SPAG16: variants seen among roughly 807,000 people sequenced by gnomAD.
SPAG16 encodes sperm-associated antigen 16 protein.
A neutral mutation model predicts 80.4 loss-of-function variants in SPAG16; 86 were observed. That is an observed-to-expected ratio of 1.07 (90% CI 0.90 to 1.28). The LOEUF (loss-of-function observed/expected upper bound fraction) is 1.28. Among genes scored for constraint, SPAG16 ranks in the 50% most tolerant of loss-of-function variants. SPAG16 has a pLI of 0.00. For missense variants in SPAG16, 870 were observed against 765.3 expected (o/e 1.14, Z -1.61); for synonymous variants, 294 against 265.9 (o/e 1.11, Z -1.03).
intron 12 of SPAG16, among the ~76,000 whole-genome samples, chr2:213,943,732 C>A (rs555915964): frequency 6.6e-6 from 1 of 152,144 alleles, no homozygotes; most frequent in Admixed American, 6.5e-5. Flanking sequence ...AAAAAGGAAC[C>A]AAAACTTAGA....
At position 213,294,921 on chromosome 2, in the gene SPAG16, G is replaced by T. The variant is rs117010468; in HGVS notation, c.137-1143G>T. 3.3e-4 allele frequency among the ~76,000 whole-genome samples: 50 copies of T among 152,240 alleles called. No individual in the cohort carries two copies. The East Asian group carries it at 8.9e-3, about 27-fold the overall frequency. On this transcript the variant is annotated intron_variant, in intron 1 of 15. Transcript: ENST00000331683. Reference sequence around the variant, plus strand: ...TCTGATTCTTGATTTGTAAAATAGAGTTATAGTTCCAGCCTCATAGGCAGG... The same window carrying T: ...TCTGATTCTTGATTTGTAAAATAGATTTATAGTTCCAGCCTCATAGGCAGG...
At chr2:213,385,506 A>G (rs2067380638) in intron 9 of SPAG16, among the ~76,000 whole-genome samples, 1 of 152,082 alleles carries the variant, frequency 6.6e-6, no homozygotes, top group African/African-American at 2.4e-5. Flanking sequence ...AGTTCCTTGG[A>G]AGTAGTTCTT....
intron 11 of SPAG16, among the ~76,000 whole-genome samples, chr2:213,873,058 A>G (rs6733511): frequency 0.59 from 90,052 of 151,612 alleles, 28,602 homozygotes; most frequent in South Asian, 0.85. Context: ...TGGTATTAGA[A>G]CAATACTGGC....
chr2:213,423,461 TG>T (rs1482479327), intron 9 of SPAG16, among the ~76,000 whole-genome samples: 1 of 152,196 alleles, frequency 6.6e-6, no homozygotes, highest in Non-Finnish European at 1.5e-5. Context: ...TGTACTCAGA[TG>T]CTAGGTTGGT....
chr2:213,351,373 T>C (rs2065318099), intron 7 of SPAG16, among the ~76,000 whole-genome samples: 1 of 152,176 alleles, frequency 6.6e-6, no homozygotes, highest in Admixed American at 6.6e-5. Flanking sequence ...TTAAGATTGC[T>C]GTGAAACTTA....
chr2:214,223,244 G>A (rs948684682), intron 15 of SPAG16, among the ~76,000 whole-genome samples: 2 of 151,990 alleles, frequency 1.3e-5, no homozygotes, highest in Non-Finnish European at 2.9e-5. Context: ...AAGCATATAG[G>A]TCATTAGCAA....
chr2:213,838,072 G>A (rs545931312), intron 10 of SPAG16, among the ~76,000 whole-genome samples: 3 of 151,904 alleles, frequency 2.0e-5, no homozygotes, highest in East Asian at 3.9e-4. Flanking sequence ...TGTAAGATGT[G>A]GTACTGCATT....
chr2:213,412,884 A>C, intron 9 of SPAG16, among the ~76,000 whole-genome samples: 1 of 152,206 alleles, frequency 6.6e-6, no homozygotes, highest in Non-Finnish European at 1.5e-5. Flanking sequence ...TAAAAATATG[A>C]ATTGTCTCAT....
intron 12 of SPAG16, among the ~76,000 whole-genome samples, chr2:213,991,489 A>G (rs544743309): frequency 6.6e-6 from 1 of 152,250 alleles, no homozygotes; most frequent in East Asian, 1.9e-4. Context: ...ATAGTAAAAT[A>G]TAAATCCACT....
chr2:213,553,797 C>A (rs1363599791), intron 10 of SPAG16, among the ~76,000 whole-genome samples: 4 of 152,170 alleles, frequency 2.6e-5, no homozygotes, highest in Non-Finnish European at 5.9e-5. Context: ...ATCCTCTAGA[C>A]ACAAGCTCAG....
intron 9 of SPAG16, among the ~76,000 whole-genome samples, chr2:213,401,452 G>A (rs935693772): frequency 3.9e-5 from 6 of 151,940 alleles, no homozygotes; most frequent in Non-Finnish European, 8.8e-5. Flanking sequence ...TGTTTCTTTG[G>A]TATAAAACTC....
chr2:214,377,792 A>G (rs1700217872), intron 15 of SPAG16, among the ~76,000 whole-genome samples: 1 of 152,208 alleles, frequency 6.6e-6, no homozygotes, highest in South Asian at 2.1e-4. Flanking sequence ...CTCTCTTAGG[A>G]ACGTAGCCAT....
chr2:213,392,659 A>T (rs2067815843), intron 9 of SPAG16, among the ~76,000 whole-genome samples: 1 of 152,172 alleles, frequency 6.6e-6, no homozygotes, highest in East Asian at 1.9e-4. Context: ...AGCCTGGCCA[A>T]CATGATGAAA....
chr2:213,667,472 C>T (rs2063650831), intron 10 of SPAG16, among the ~76,000 whole-genome samples: 1 of 152,166 alleles, frequency 6.6e-6, no homozygotes, highest in Non-Finnish European at 1.5e-5. Flanking sequence ...ATCTCTAAAA[C>T]AGTCCCAATA....
intron 10 of SPAG16, among the ~76,000 whole-genome samples, chr2:213,564,368 G>T (rs1448737897): frequency 1.3e-5 from 2 of 151,962 alleles, no homozygotes; most frequent in African/African-American, 2.4e-5. Context: ...GGTGGCAGGT[G>T]CCTGTAATCC....
At chr2:213,947,869 T>C (rs1447436101) in intron 12 of SPAG16, among the ~76,000 whole-genome samples, 5 of 152,106 alleles carry the variant, frequency 3.3e-5, no homozygotes, top group Non-Finnish European at 5.9e-5. Flanking sequence ...TAAAATCAGA[T>C]AGTGTGATTC....
At chr2:213,618,193 C>T (rs2061659309) in intron 10 of SPAG16, among the ~76,000 whole-genome samples, 1 of 152,148 alleles carries the variant, frequency 6.6e-6, no homozygotes, top group Admixed American at 6.6e-5. Context: ...AACATTTCCT[C>T]AACATAGAAC....
rs561400983 is a variant in SPAG16, at chr2:214,298,522, C to T, written c.1721-111618C>T. On this transcript the variant is annotated intron_variant, in intron 15 of 15. Transcript: ENST00000331683. ...GTGGAACCTAAAGGAGAAAATCAAA[C>T]AGAAAATTCACTATCTTGTAATGTC... Among the ~76,000 whole-genome samples the T allele has an allele frequency of 1.9e-4, 29 of 152,098 alleles. 2 individuals are homozygous for T. Among genetic ancestry groups the T allele is most frequent in the African/African-American group, 6.5e-4 (27 of 41,494 alleles).
At chr2:213,860,926 C>G (rs191916917) in intron 10 of SPAG16, among the ~76,000 whole-genome samples, 25 of 152,242 alleles carry the variant, frequency 1.6e-4, no homozygotes, top group Non-Finnish European at 2.6e-4. Context: ...TATTTGAATA[C>G]AGAATTCATT....
Sources: gnomAD v4.1 joint callset for allele counts (sites outside exome capture counted in the v4.1 genomes callset) on GRCh38, gnomAD v4.1.1 for gene constraint, MANE v1.5 for transcripts, NCBI Gene and HGNC (gene_info 2026-07-23, HGNC 2026-07-21) for gene names.